MEIS2: variants seen among roughly 807,000 people sequenced by gnomAD.
MEIS2 encodes the protein Meis homeobox 2, also known as homeobox protein Meis2.
MEIS2 carries 9 observed loss-of-function variants against 58.6 expected under a neutral mutation model. The ratio of observed to expected loss-of-function variants is 0.15; its 90% confidence interval spans 0.09 to 0.27. MEIS2 has a LOEUF of 0.27. Among genes scored for constraint, MEIS2 ranks in the 10% least tolerant of loss-of-function variants. MEIS2 has a pLI of 1.00. For synonymous variants in MEIS2, 221 were observed against 228.4 expected (o/e 0.97, Z 0.29); for missense variants, 427 against 635.0 (o/e 0.67, Z 3.52).
At chr15:36,933,689 T>A (rs1043722552) in intron 9 of MEIS2, among the ~76,000 whole-genome samples, 1 of 152,136 alleles carries the variant, frequency 6.6e-6, no homozygotes, top group Non-Finnish European at 1.5e-5. Flanking sequence ...ACTACCTGTT[T>A]CACATTTTGA....
chr15:36,989,064 G>T (rs2060185717), intron 8 of MEIS2, among the ~76,000 whole-genome samples: 2 of 152,290 alleles, frequency 1.3e-5, no homozygotes, highest in Admixed American at 1.3e-4. Context: ...TCCTTTAACT[G>T]TCAGACTTCA....
At chr15:36,907,394 C>T (rs1284059027) in intron 9 of MEIS2, among the ~76,000 whole-genome samples, 2 of 152,200 alleles carry the variant, frequency 1.3e-5, no homozygotes, top group East Asian at 3.9e-4. Flanking sequence ...ACCACCCCAA[C>T]ACACCGGCAA....
intron 8 of MEIS2, among the ~76,000 whole-genome samples, chr15:36,977,328 A>T (rs1189116604): frequency 6.6e-6 from 1 of 152,242 alleles, no homozygotes. Context: ...AATCCATGAA[A>T]TACATAGCAA....
chr15:36,930,924 C>T (rs16964353), intron 9 of MEIS2, among the ~76,000 whole-genome samples: 3,761 of 152,174 alleles, frequency 0.025, 151 homozygotes, highest in African/African-American at 0.084. Context: ...AAATAAACCA[C>T]GTAGTTCGAA....
At chr15:37,035,895 G>A (rs2062130487) in intron 8 of MEIS2, among the ~76,000 whole-genome samples, 1 of 152,174 alleles carries the variant, frequency 6.6e-6, no homozygotes, top group African/African-American at 2.4e-5. Context: ...AATCAAAGAA[G>A]ACCTTCAGCT....
intron 11 of MEIS2, chr15:36,894,706 A>T (rs1027323757): frequency 6.3e-7 from 1 of 1,594,096 alleles, no homozygotes; most frequent in Non-Finnish European, 8.6e-7. Context: ...ATCGCACCCG[A>T]CTGTACTTAC....
intron 2 of MEIS2, 40 bp from the exon 3 acceptor site, chr15:37,096,470 G>A (rs1445700525): frequency 6.3e-7 from 1 of 1,595,090 alleles, no homozygotes; most frequent in Non-Finnish European, 8.6e-7. Flanking sequence ...ACACAGAGAC[G>A]GGGTGCAGAG....
chr15:36,941,379 C>T (rs1294464705), intron 9 of MEIS2, among the ~76,000 whole-genome samples: 1 of 152,146 alleles, frequency 6.6e-6, no homozygotes, highest in Non-Finnish European at 1.5e-5. Context: ...CTATGAGAAT[C>T]AGATCAAAAC....
At chr15:37,099,027 G>A (rs1596143262) in intron 1 of MEIS2, 1 of 983,172 alleles carries the variant, frequency 1.0e-6, no homozygotes, top group Non-Finnish European at 1.2e-6. Flanking sequence ...CGGCGGCCCC[G>A]GCGGCGGCTC....
chr15:37,020,680 T>G (rs2061495425), intron 8 of MEIS2, among the ~76,000 whole-genome samples: 1 of 151,828 alleles, frequency 6.6e-6, no homozygotes, highest in South Asian at 2.1e-4. Flanking sequence ...TGGTCTTTTT[T>G]TTTTTTTTTA....
intron 11 of MEIS2, 187 bp downstream of exon 11, chr15:36,894,964 C>A: frequency 1.1e-6 from 1 of 888,516 alleles, no homozygotes; most frequent in Non-Finnish European, 1.8e-6. Context: ...TATAATGGTA[C>A]TGTGGTAAAA....
chr15:37,043,082 C>T (rs1465586768), intron 7 of MEIS2, among the ~76,000 whole-genome samples: 1 of 152,226 alleles, frequency 6.6e-6, no homozygotes, highest in Non-Finnish European at 1.5e-5. Context: ...ACTGACCTCT[C>T]AGCCATGTCT....
intron 7 of MEIS2, among the ~76,000 whole-genome samples, chr15:37,068,787 A>G (rs1292223906): frequency 6.6e-6 from 1 of 152,152 alleles, no homozygotes; most frequent in Non-Finnish European, 1.5e-5. Flanking sequence ...AAGTTAAGTC[A>G]CAGCTTCAGA....
intron 2 of MEIS2, chr15:37,097,125 C>CT (rs1468754968): frequency 5.3e-5 from 8 of 152,200 alleles, no homozygotes; most frequent in African/African-American, 1.7e-4. Context: ...TGTTTTAAAA[C>CT]TTTAAGTGTG....
At chr15:37,046,852 TA>T (rs2062696554) in intron 7 of MEIS2, among the ~76,000 whole-genome samples, 1 of 150,974 alleles carries the variant, frequency 6.6e-6, no homozygotes, top group Non-Finnish European at 1.5e-5. Context: ...TATATATATA[TA>T]TATTTAATTC....
At chr15:37,039,791 TG>T (rs1173491910) in intron 7 of MEIS2, among the ~76,000 whole-genome samples, 5 of 152,212 alleles carry the variant, frequency 3.3e-5, no homozygotes, top group Admixed American at 3.3e-4. Context: ...TGTCTAGTTT[TG>T]TATTAATGAC....
At chr15:37,054,917 C>A (rs1469955582) in intron 7 of MEIS2, among the ~76,000 whole-genome samples, 3 of 152,178 alleles carry the variant, frequency 2.0e-5, no homozygotes, top group Non-Finnish European at 1.5e-5. Flanking sequence ...AGCATTAATA[C>A]AAAATAATAT....
At chr15:37,004,529 T>C (rs1004892534) in intron 8 of MEIS2, among the ~76,000 whole-genome samples, 3 of 152,246 alleles carry the variant, frequency 2.0e-5, no homozygotes, top group East Asian at 1.9e-4. Context: ...ATGGCCTCAA[T>C]AGATGATTCT....
rs980854213 is a variant in MEIS2 at position 36,907,191 on chromosome 15, A to G, written c.978-10505T>C. On this transcript the variant is annotated intron_variant, in intron 9 of 11. Coordinates refer to ENST00000561208, the MANE Select transcript of MEIS2 (RefSeq NM_170675.5). ...TTCTCCAGGTAGTGACAACTAATTT[A>G]GAAGAGAATTGATAGGACAAAGTGT... 3.9e-5 allele frequency among the ~76,000 whole-genome samples: 6 copies of G among 152,240 alleles called. No homozygotes were observed. The East Asian group carries it at 1.2e-3, about 29-fold the overall frequency.
Sources: allele counts gnomAD v4.1 joint callset (sites outside exome capture counted in the v4.1 genomes callset), GRCh38; gene constraint gnomAD v4.1.1; transcripts MANE v1.5; gene names NCBI Gene and HGNC (gene_info 2026-07-23, HGNC 2026-07-21).